Variants in THSD7A observed in about 807,000 individuals in gnomAD.
THSD7A encodes thrombospondin type-1 domain-containing protein 7A.
In THSD7A, 96 loss-of-function variants were observed where a neutral mutation model predicts 231.3. The ratio of observed to expected loss-of-function variants is 0.41; its 90% CI spans 0.35 to 0.49. The LOEUF (loss-of-function observed/expected upper bound fraction) is 0.49, where lower values mean the gene tolerates loss of function less well. THSD7A is among the 20% of genes least tolerant of loss of function. The probability of loss-of-function intolerance (pLI) is 0.05; values close to 1 mark genes in which losing one functional copy is unlikely to be tolerated. For missense variants in THSD7A, 2,290 were observed against 2,070.2 expected (o/e 1.11, Z -2.06); for synonymous variants, 940 against 743.3 (o/e 1.26, Z -4.30).
At chr7:11,797,894 A>G (rs1784172533) in intron 1 of THSD7A, among the ~76,000 whole-genome samples, 2 of 152,206 alleles carry the variant, frequency 1.3e-5, no homozygotes, top group South Asian at 4.1e-4. Context: ...ATACAGAGTC[A>G]TCTAGTTGCA....
At chr7:11,601,881 G>C (rs1490905672) in intron 2 of THSD7A, among the ~76,000 whole-genome samples, 7 of 152,214 alleles carry the variant, frequency 4.6e-5, no homozygotes, top group Admixed American at 4.6e-4. Flanking sequence ...CAAGAGGTTA[G>C]AAAACTTGGC....
At chr7:11,398,037 T>A (rs1052893069) in intron 23 of THSD7A, among the ~76,000 whole-genome samples, 2 of 152,192 alleles carry the variant, frequency 1.3e-5, no homozygotes, top group African/African-American at 4.8e-5. Flanking sequence ...CATTACTGGG[T>A]ATATACACAA....
chr7:11,831,798 T>G lies in THSD7A; in HGVS notation c.149A>C (p.Gln50Pro). Residue 50 changes from glutamine to proline, a missense_variant, in exon 1 of 28, where the codon CAG becomes CCG. By Grantham distance (76) the Gln-to-Pro change is moderately conservative. Transcript: ENST00000423059. The surrounding 1 kb of genome is among the most constrained non-coding windows in gnomAD (Gnocchi z 5.0). The part of the protein sequence containing the change: ...LRPGAGRAAA[Q>P]GEAEAPTLYL... ...GAGGGTGGGCGCCTCCGCCTCGCCC[T>G]GCGCCGCAGCCCTGCCGGCGCCCGG... 1 of 1,470,606 alleles carries G rather than the reference T, an allele frequency of 6.8e-7. No individual in the cohort carries two copies. Among genetic ancestry groups the G allele is most frequent in the Admixed American group, 2.2e-5 (1 of 45,738 alleles). The allele number at this position is 1,470,606 out of a possible 1,614,324, so 91.1% of individuals were successfully genotyped here.
chr7:11,734,832 T>G (rs1314253627), intron 1 of THSD7A, among the ~76,000 whole-genome samples: 1 of 151,930 alleles, frequency 6.6e-6, no homozygotes, highest in African/African-American at 2.4e-5. Context: ...AGGGAGAAAG[T>G]AATTGAATAA....
intron 4 of THSD7A, among the ~76,000 whole-genome samples, chr7:11,565,894 G>T (rs1790294643): frequency 6.6e-6 from 1 of 152,126 alleles, no homozygotes; most frequent in African/African-American, 2.4e-5. Flanking sequence ...GTTGCCAACT[G>T]AATTGGCAGG....
chr7:11,486,310 G>C (rs2128306077), intron 6 of THSD7A, among the ~76,000 whole-genome samples: 1 of 152,282 alleles, frequency 6.6e-6, no homozygotes, highest in Middle Eastern at 3.4e-3. Flanking sequence ...TTACTTCAGA[G>C]TATATATAGG....
rs1407859623 is a variant in THSD7A at position 11,415,926 on chromosome 7, C to T, written c.3537+1524G>A. 2.0e-5 allele frequency among the ~76,000 whole-genome samples: 3 copies of T among 152,174 alleles called. No homozygotes were observed. The South Asian group carries it at 6.2e-4, about 32-fold the overall frequency. ...ATTTTCTGTATGACACTTATCTTCT[C>T]CTGCCCAAAAATCTTTTCCAACCAC... is the stretch of plus-strand genomic sequence containing the variant. On this transcript the variant is annotated intron_variant, in intron 17 of 27. Transcript: ENST00000423059.
intron 1 of THSD7A, among the ~76,000 whole-genome samples, chr7:11,812,105 TTGTGTGTG>T (rs34130500): frequency 7.5e-6 from 1 of 133,560 alleles, no homozygotes; most frequent in Non-Finnish European, 1.6e-5. Flanking sequence ...GAAAAGAAAA[TTGTGTGTG>T]TGTGTGTGTG....
At chr7:11,718,384 C>A (rs1226680023) in intron 1 of THSD7A, among the ~76,000 whole-genome samples, 2 of 151,588 alleles carry the variant, frequency 1.3e-5, no homozygotes, top group Non-Finnish European at 3.0e-5. Flanking sequence ...TGTGTTAAAT[C>A]TGATAATGTG....
intron 1 of THSD7A, among the ~76,000 whole-genome samples, chr7:11,664,124 C>T (rs1043226975): frequency 2.0e-5 from 3 of 151,658 alleles, no homozygotes; most frequent in Non-Finnish European, 4.4e-5. Context: ...TGATATTCCT[C>T]AGTCCCTGCC....
At chr7:11,646,572 G>C (rs1405327) in intron 1 of THSD7A, among the ~76,000 whole-genome samples, 23,380 of 151,862 alleles carry the variant, frequency 0.15, 1,962 homozygotes, top group Admixed American at 0.21. Flanking sequence ...ATGTGAAATG[G>C]ACAAAACTTT....
At chr7:11,705,982 G>C (rs10950364) in intron 1 of THSD7A, among the ~76,000 whole-genome samples, 1 of 150,580 alleles carries the variant, frequency 6.6e-6, no homozygotes, top group African/African-American at 2.4e-5. Flanking sequence ...TAGCATTTCT[G>C]TTATAGTCTC....
chr7:11,771,123 TTCA>T (rs1228079637), intron 1 of THSD7A, among the ~76,000 whole-genome samples: 4 of 150,934 alleles, frequency 2.7e-5, no homozygotes, highest in Non-Finnish European at 3.0e-5. Flanking sequence ...TAAGAGATTT[TTCA>T]TCATAATTAA....
intron 1 of THSD7A, among the ~76,000 whole-genome samples, chr7:11,772,152 C>A (rs1583277558): frequency 6.6e-6 from 1 of 152,000 alleles, no homozygotes; most frequent in Non-Finnish European, 1.5e-5. Flanking sequence ...CAAATTCAAA[C>A]CACAATGAGA....
chr7:11,379,756 T>C (rs374934058), intron 24 of THSD7A, 44 bp from the exon 25 acceptor site: 1 of 1,537,358 alleles, frequency 6.5e-7, no homozygotes, highest in Non-Finnish European at 8.8e-7. Flanking sequence ...TATATTTTGC[T>C]ATGATGAAAA....
intron 4 of THSD7A, among the ~76,000 whole-genome samples, chr7:11,580,372 G>T (rs1340655162): frequency 6.6e-6 from 1 of 152,080 alleles, no homozygotes; most frequent in Non-Finnish European, 1.5e-5. Context: ...CACTCTCAGG[G>T]ATTAGACAGC....
intron 2 of THSD7A, among the ~76,000 whole-genome samples, chr7:11,633,424 A>C (rs552667596): frequency 2.0e-5 from 3 of 152,240 alleles, no homozygotes; most frequent in Middle Eastern, 3.4e-3. Context: ...CCTGCCTATT[A>C]TGCTATTCTG....
At chr7:11,682,088 T>C (rs1783891981) in intron 1 of THSD7A, among the ~76,000 whole-genome samples, 1 of 152,086 alleles carries the variant, frequency 6.6e-6, no homozygotes, top group African/African-American at 2.4e-5. Context: ...ACCAACCCTA[T>C]AAGAGATGCT....
chr7:11,623,967 G>C (rs1005943534), intron 2 of THSD7A, among the ~76,000 whole-genome samples: 1 of 151,934 alleles, frequency 6.6e-6, no homozygotes, highest in Non-Finnish European at 1.5e-5. Flanking sequence ...AACAAAATAG[G>C]GCAGGCAACT....
Sources: allele counts gnomAD v4.1 joint callset (sites outside exome capture counted in the v4.1 genomes callset), GRCh38; gene constraint gnomAD v4.1.1; non-coding constraint Gnocchi (gnomAD v3.1); transcripts MANE v1.5; gene names NCBI Gene and HGNC (gene_info 2026-07-23, HGNC 2026-07-21).